VTI1A: variants seen among roughly 807,000 people sequenced by gnomAD.
VTI1A encodes the protein vesicle transport through interaction with t-SNAREs 1A, also known as vesicle transport through interaction with t-SNAREs homolog 1A.
VTI1A carries 22 observed loss-of-function variants against 34.9 expected under a neutral mutation model. The observed-to-expected ratio is 0.63, with a 90% CI of 0.45 to 0.90. The LOEUF is 0.90. VTI1A is among the 40% of genes least tolerant of loss of function. The pLI is 0.00. For synonymous variants in VTI1A, 87 were observed against 97.3 expected, an observed-to-expected ratio of 0.89 and a Z score of 0.62; for missense variants, 268 against 275.6, an observed-to-expected ratio of 0.97 and a Z score of 0.20.
At chr10:112,760,570 G>A (rs1433565561) in intron 7 of VTI1A, among the ~76,000 whole-genome samples, 1 of 152,128 alleles carries the variant, frequency 6.6e-6, no homozygotes, top group African/African-American at 2.4e-5. Context: ...GTTGGGTCAA[G>A]GACCAAGATG....
intron 1 of VTI1A, among the ~76,000 whole-genome samples, chr10:112,452,661 A>T (rs1847282957): frequency 6.6e-6 from 1 of 151,574 alleles, no homozygotes; most frequent in African/African-American, 2.4e-5. Flanking sequence ...ATGCATCTAT[A>T]GATCTATATA....
chr10:112,730,597 C>G (rs1467255818), intron 7 of VTI1A, among the ~76,000 whole-genome samples: 1 of 151,932 alleles, frequency 6.6e-6, no homozygotes, highest in African/African-American at 2.4e-5. Flanking sequence ...CTCTTTCCCC[C>G]TTTCCTTCCT....
intron 3 of VTI1A, among the ~76,000 whole-genome samples, chr10:112,474,619 C>G (rs1848218399): frequency 6.6e-6 from 1 of 151,972 alleles, no homozygotes; most frequent in African/African-American, 2.4e-5. Context: ...CCACAGCTGG[C>G]TATTTTTAAA....
chr10:112,507,731 A>G (rs556032057), intron 3 of VTI1A, among the ~76,000 whole-genome samples: 1 of 152,224 alleles, frequency 6.6e-6, no homozygotes, highest in South Asian at 2.1e-4. Context: ...GCACTCAATG[A>G]TGAACTATAG....
chr10:112,447,341 G>T lies in VTI1A; in HGVS notation c.-33G>T, dbSNP rs746457702. 2.5e-6 allele frequency: 4 copies of T among 1,606,006 alleles called. No individual in the cohort carries two copies. The African/African-American group carries it at 5.4e-5, about 22-fold the overall frequency. On this transcript the variant is annotated 5_prime_UTR_variant, in exon 1 of 8. Coordinates refer to ENST00000393077, the MANE Select transcript of VTI1A (RefSeq NM_145206.4). ...CCTCGAGGCCCTTTCCCTGACCTAG[G>T]CTTTGGCCTGGGCTACTCGTTCCGG...
intron 3 of VTI1A, among the ~76,000 whole-genome samples, chr10:112,486,477 A>G (rs1848630678): frequency 1.3e-5 from 2 of 152,198 alleles, no homozygotes; most frequent in Admixed American, 1.3e-4. Flanking sequence ...CAGTGCCCTT[A>G]TGTGGTACAT....
intron 5 of VTI1A, among the ~76,000 whole-genome samples, chr10:112,572,793 C>T (rs1326000735): frequency 2.7e-5 from 4 of 149,536 alleles, no homozygotes; most frequent in African/African-American, 7.4e-5. Flanking sequence ...GAGCCGAGAT[C>T]GCGCCACTAC....
At chr10:112,525,704 T>C (rs1462940949) in intron 3 of VTI1A, among the ~76,000 whole-genome samples, 1 of 152,068 alleles carries the variant, frequency 6.6e-6, no homozygotes. Flanking sequence ...ATAAACATAG[T>C]TACTGAAATA....
In VTI1A at chr10:112,571,960, C is replaced by T. The variant is rs547834031; in HGVS notation, c.427+33630C>T. 1.4e-4 allele frequency among the ~76,000 whole-genome samples: 21 copies of T among 152,188 alleles called. 1 individual carries two copies. The South Asian group carries it at 4.1e-3, about 30-fold the overall frequency. On this transcript the variant is annotated intron_variant, in intron 5 of 7. Transcript: ENST00000393077. ...CTACTCATTGGCATAAAGATGGGAA[C>T]AGCAGACACTGGAGACAACTAGAAG...
chr10:112,634,518 C>G (rs1377755892), intron 5 of VTI1A, among the ~76,000 whole-genome samples: 1,844 of 46,686 alleles, frequency 0.039, 33 homozygotes, highest in African/African-American at 0.15. Flanking sequence ...CACACATACA[C>G]ACACACACAC....
chr10:112,574,060 T>G (rs1395851836), intron 5 of VTI1A, among the ~76,000 whole-genome samples: 3 of 152,208 alleles, frequency 2.0e-5, no homozygotes, highest in Non-Finnish European at 4.4e-5. Flanking sequence ...AAATTCCATT[T>G]TTTTCTAAAT....
rs1423131470 is a variant in VTI1A, at chr10:112,815,344, C to A, written c.615C>A (p.Thr205=). The A allele has an allele frequency of 6.2e-7, 1 of 1,614,062 alleles. No individual in the cohort carries two copies. The highest frequency in any genetic ancestry group is 1.1e-5 in the South Asian group (1 of 91,070). The change falls in exon 8 of 8, where the codon ACC becomes ACA. Residue 205 remains threonine, a synonymous_variant. Coordinates refer to ENST00000393077, the MANE Select transcript of VTI1A (RefSeq NM_145206.4). ...LVILGIIVVI[T]ILMAITFSVR... ...TCCTAGGGATCATCGTGGTCATCAC[C>A]ATCCTGATGGCGATCACTTTTTCTG...
At chr10:112,713,396 T>A (rs1184597512) in intron 7 of VTI1A, among the ~76,000 whole-genome samples, 2 of 152,260 alleles carry the variant, frequency 1.3e-5, no homozygotes, top group African/African-American at 4.8e-5. Context: ...GGTACTTAAA[T>A]GCTAACTGCT....
intron 1 of VTI1A, among the ~76,000 whole-genome samples, chr10:112,459,362 C>T (rs1226778506): frequency 1.3e-5 from 2 of 152,214 alleles, no homozygotes; most frequent in African/African-American, 4.8e-5. Context: ...CTCATTTTTT[C>T]GTTACCAGGA....
At chr10:112,586,155 T>C (rs1447043759) in intron 5 of VTI1A, among the ~76,000 whole-genome samples, 2 of 150,830 alleles carry the variant, frequency 1.3e-5, no homozygotes, top group East Asian at 2.0e-4. Flanking sequence ...TTCTAAATTA[T>C]GTGTTCTTGT....
chr10:112,596,880 A>G (rs1247185652), intron 5 of VTI1A, among the ~76,000 whole-genome samples: 1 of 152,178 alleles, frequency 6.6e-6, no homozygotes, highest in Non-Finnish European at 1.5e-5. Flanking sequence ...TTTGTGGTAT[A>G]CTTTTTTCAA....
chr10:112,458,408 T>C (rs1847613334), intron 1 of VTI1A, among the ~76,000 whole-genome samples: 1 of 152,176 alleles, frequency 6.6e-6, no homozygotes, highest in Admixed American at 6.5e-5. Flanking sequence ...TTTGGGATCA[T>C]CTATTAAATA....
chr10:112,461,407 A>G (rs906423178), intron 2 of VTI1A, among the ~76,000 whole-genome samples: 3 of 152,194 alleles, frequency 2.0e-5, no homozygotes, highest in Non-Finnish European at 2.9e-5. Flanking sequence ...GCATGAGAGA[A>G]CCTTGGCCAA....
chr10:112,642,114 T>G (rs916978148), intron 5 of VTI1A, among the ~76,000 whole-genome samples: 3 of 152,222 alleles, frequency 2.0e-5, no homozygotes, highest in Non-Finnish European at 4.4e-5. Context: ...GGCCTCTATT[T>G]ACATCAAATA....
Sources: allele counts gnomAD v4.1 joint callset (sites outside exome capture counted in the v4.1 genomes callset), GRCh38; gene constraint gnomAD v4.1.1; transcripts MANE v1.5; gene names NCBI Gene and HGNC (gene_info 2026-07-23, HGNC 2026-07-21).